Variants in GARRE1 observed in about 807,000 individuals in gnomAD.
The protein encoded by GARRE1 is granule associated Rac and RHOG effector 1.
Under a neutral mutation model 103.2 loss-of-function variants are expected in GARRE1, and 49 were observed. That is an observed-to-expected ratio of 0.47 (90% CI 0.38 to 0.60). The LOEUF (loss-of-function observed/expected upper bound fraction) is 0.60, where lower values mean the gene tolerates loss of function less well. Among genes scored for constraint, GARRE1 ranks in the 20% least tolerant of loss-of-function variants. The pLI is 0.00. For synonymous variants in GARRE1, 505 were observed against 532.8 expected (o/e 0.95, Z 0.72); for missense variants, 1,199 against 1,370.5 (o/e 0.87, Z 1.98).
chr19:34,352,483 A>C (rs1224512221), intron 13 of GARRE1, among the ~76,000 whole-genome samples, 164 bp from the exon 14 acceptor site: 6 of 151,888 alleles, frequency 4.0e-5, no homozygotes. Flanking sequence ...GTATAGGCAC[A>C]GAACATGGCT....
chr19:34,263,545 TTGGC>T (rs2073732939), intron 1 of GARRE1, among the ~76,000 whole-genome samples: 1 of 151,780 alleles, frequency 6.6e-6, no homozygotes, highest in Non-Finnish European at 1.5e-5. Context: ...TGGTGCAATC[TTGGC>T]TCACTGCAAC....
At chr19:34,276,300 C>T (rs1368166732) in intron 1 of GARRE1, among the ~76,000 whole-genome samples, 1 of 152,172 alleles carries the variant, frequency 6.6e-6, no homozygotes, top group African/African-American at 2.4e-5. Context: ...GCCTCGGCCT[C>T]CCAAAGTGCT....
At position 34,342,384 on chromosome 19, in the gene GARRE1, C is replaced by G. The variant is rs1305391805; in HGVS notation, c.2450C>G (p.Thr817Ser). The G allele has an allele frequency of 4.3e-6, 7 of 1,614,038 alleles. No individual in the cohort carries two copies. Among genetic ancestry groups the G allele is most frequent in the East Asian group, 2.2e-5 (1 of 44,892 alleles). ...AAGCCGCAGGGACCTAGAAATAACA[C>G]CTGGCCCAACCGTGACCAAAGTGAT... ...GQKPQGPRNN[T>S]WPNRDQSDGV... is the part of the protein sequence containing the mutation. The change falls in exon 10 of 14, where the codon ACC becomes AGC. Residue 817 changes from threonine (T) to serine (S), a missense_variant. By Grantham distance (58) the Thr-to-Ser change is moderately conservative. Coordinates refer to ENST00000299505, the MANE Select transcript of GARRE1 (RefSeq NM_014686.5).
intron 1 of GARRE1, among the ~76,000 whole-genome samples, chr19:34,289,684 A>T (rs2073906297): frequency 1.3e-5 from 2 of 151,176 alleles, no homozygotes; most frequent in South Asian, 4.2e-4. Context: ...AGATCATGCC[A>T]CTGCACTCCA....
chr19:34,277,574 C>T (rs1294893877), intron 1 of GARRE1, among the ~76,000 whole-genome samples: 4 of 152,118 alleles, frequency 2.6e-5, no homozygotes, highest in Admixed American at 6.5e-5. Context: ...TTGGGTGGTA[C>T]TGTGTACTTC....
chr19:34,340,729 G>T (rs1040754290), intron 9 of GARRE1, among the ~76,000 whole-genome samples: 4 of 152,048 alleles, frequency 2.6e-5, no homozygotes, highest in African/African-American at 9.7e-5. Flanking sequence ...CGCTGTGTTG[G>T]CCAGGCTGGT....
rs776426974 is a variant in GARRE1, at chr19:34,327,826, G to C, written c.902G>C (p.Gly301Ala). The change falls in exon 5 of 14, where the codon GGC (glycine) becomes GCC (alanine). Residue 301 changes from glycine to alanine, a missense_variant. Coordinates refer to ENST00000299505, the MANE Select transcript of GARRE1 (RefSeq NM_014686.5). The part of the protein sequence containing the change: ...LGHCEYAMKA[G>A]FHLNPKAIEA... ...CACTGTGAATATGCAATGAAAGCCG[G>C]CTTCCACCTGAATCCAAAGGCGATT... 4.3e-6 allele frequency: 7 copies of C among 1,614,156 alleles called. No homozygotes were observed. Among genetic ancestry groups the C allele is most frequent in the Non-Finnish European group, 5.9e-6 (7 of 1,180,032 alleles).
Position 34,283,082 on chromosome 19 carries a change from G to A in GARRE1, c.-795-16597G>A, listed in dbSNP as rs187461785. Among the ~76,000 whole-genome samples, 4 of 152,256 alleles carry A rather than the reference G, an allele frequency of 2.6e-5. No individual in the cohort carries two copies. The East Asian group carries it at 5.8e-4, about 22-fold the overall frequency. ...AGTGCACTTGCCTGTTTAGCCTGTCGTTTTGAAATGAAACTCCTTTTGTCA... is the reference window on the plus strand; with the variant it reads ...AGTGCACTTGCCTGTTTAGCCTGTCATTTTGAAATGAAACTCCTTTTGTCA... On this transcript the variant is annotated intron_variant, in intron 1 of 13. Transcript: ENST00000299505.
At chr19:34,315,928 G>A (rs1190206056) in intron 2 of GARRE1, among the ~76,000 whole-genome samples, 1 of 152,146 alleles carries the variant, frequency 6.6e-6, no homozygotes, top group East Asian at 1.9e-4. Context: ...ACCATCAAGG[G>A]TTGCTAGAAA....
At chr19:34,285,385 G>A (rs966096253) in intron 1 of GARRE1, 2 of 152,156 alleles carry the variant, frequency 1.3e-5, no homozygotes, top group Admixed American at 1.3e-4. Context: ...ACTTTGGGAG[G>A]CTGAGGCAGG....
At chr19:34,347,807 G>A in intron 10 of GARRE1, 70 bp from the exon 11 acceptor site, 1 of 1,378,980 alleles carries the variant, frequency 7.3e-7, no homozygotes. Context: ...CAGCACGTTA[G>A]CAAAGCGTAG....
chr19:34,277,862 A>C (rs899027199), intron 1 of GARRE1, among the ~76,000 whole-genome samples: 2 of 151,782 alleles, frequency 1.3e-5, no homozygotes, highest in African/African-American at 4.8e-5. Flanking sequence ...TCAAAAAAAA[A>C]CTATATAAAC....
chr19:34,312,151 A>G (rs2074040236), intron 2 of GARRE1, among the ~76,000 whole-genome samples: 2 of 152,046 alleles, frequency 1.3e-5, no homozygotes, highest in African/African-American at 2.4e-5. Context: ...TTATATGTAG[A>G]TAAACCTGAT....
chr19:34,300,934 CG>C lies in GARRE1; in HGVS notation c.463del (p.Asp155IlefsTer18). 1 of 1,603,768 alleles carries C rather than the reference CG, an allele frequency of 6.2e-7. No homozygotes were observed. On this transcript the variant is annotated frameshift_variant, in exon 2 of 14. Transcript: ENST00000299505. LOFTEE classifies it high-confidence loss of function. ...MELSAGAANF[T>X]DQKEFSLQDI... ...CTTAGTGCTGGGGCTGCAAATTTTA[CG>C]GATCAGAAGGAATTCAGTCTCCAGG...
intron 2 of GARRE1, among the ~76,000 whole-genome samples, chr19:34,306,026 A>G (rs2074006133): frequency 6.6e-6 from 1 of 152,154 alleles, no homozygotes; most frequent in South Asian, 2.1e-4. Context: ...TTTTCCCCAG[A>G]GCAATATTTG....
intron 1 of GARRE1, among the ~76,000 whole-genome samples, chr19:34,259,120 A>T (rs1262973178): frequency 1.3e-5 from 2 of 152,132 alleles, no homozygotes; most frequent in Non-Finnish European, 2.9e-5. Context: ...GTGAACTGTG[A>T]TTGTGCCACT....
rs1171684616 is a variant in GARRE1, at chr19:34,320,106, G to T, written c.695G>T (p.Gly232Val). 1.9e-6 allele frequency: 3 copies of T among 1,613,580 alleles called. No homozygotes were observed. Among genetic ancestry groups the T allele is most frequent in the Non-Finnish European group, 2.5e-6 (3 of 1,179,994 alleles). ...GAGGAAGCTGTGCGGTCCTGGCGGGGGGCTGCTGAGGTAACCCTGGCTTTG... is the reference window on the plus strand; with the variant it reads ...GAGGAAGCTGTGCGGTCCTGGCGGGTGGCTGCTGAGGTAACCCTGGCTTTG... ...EVEEAVRSWRGAAEATSRLRE... is the reference protein window; with the variant it reads ...EVEEAVRSWRVAAEATSRLRE... The change falls in exon 3 of 14, where the codon GGG (glycine) becomes GTG (valine). Residue 232 changes from glycine (G) to valine (V), a missense_variant. Physicochemically the swap from Gly to Val is moderately radical, Grantham distance 109. Transcript: ENST00000299505.
intron 1 of GARRE1, among the ~76,000 whole-genome samples, chr19:34,262,286 G>GTTTT (rs1280386239): frequency 2.6e-5 from 1 of 38,544 alleles, no homozygotes; most frequent in African/African-American, 7.1e-5. Context: ...CCCAGCTGCT[G>GTTTT]CTTTTTTTTT....
Position 34,313,018 on chromosome 19 carries a change from G to T in GARRE1, c.496-6889G>T, listed in dbSNP as rs370361261. Among the ~76,000 whole-genome samples, 16 of 152,310 alleles carry T rather than the reference G, an allele frequency of 1.1e-4. No individual in the cohort carries two copies. The South Asian group carries it at 2.3e-3, about 22-fold the overall frequency. ...CATGGTTTATGACATGCGCACCTGG[G>T]TCACTCACTCCCTGGTAGTGCTATT... On this transcript the variant is annotated intron_variant, in intron 2 of 13. Coordinates refer to ENST00000299505, the MANE Select transcript of GARRE1 (RefSeq NM_014686.5).
Sources: gnomAD v4.1 joint callset for allele counts (sites outside exome capture counted in the v4.1 genomes callset) on GRCh38, gnomAD v4.1.1 for gene constraint, MANE v1.5 for transcripts, NCBI Gene and HGNC (gene_info 2026-07-23, HGNC 2026-07-21) for gene names.